ABCA8: variants seen among roughly 807,000 people sequenced by gnomAD.
ABCA8 encodes the protein ABC-type organic anion transporter ABCA8.
Under a neutral mutation model 192.3 loss-of-function variants are expected in ABCA8, and 177 were observed. The ratio of observed to expected loss-of-function variants is 0.92; its 90% confidence interval spans 0.81 to 1.04. ABCA8 has a LOEUF of 1.04. Ranked by LOEUF, ABCA8 falls within the 50% of genes least tolerant of loss-of-function variation. The pLI is 0.00. For missense variants in ABCA8, 1,915 were observed against 1,904.8 expected (o/e 1.01, Z -0.10); for synonymous variants, 642 against 690.2 (o/e 0.93, Z 1.09).
intron 17 of ABCA8, among the ~76,000 whole-genome samples, chr17:68,915,470 GAATA>G (rs1279127707): frequency 6.6e-6 from 1 of 152,098 alleles, no homozygotes; most frequent in African/African-American, 2.4e-5. Context: ...CAAAATATCT[GAATA>G]GATAGTTCCC....
Position 68,918,425 on chromosome 17 carries a change from A to C in ABCA8, c.1908+2T>G, listed in dbSNP as rs1323787631. 7.0e-6 allele frequency: 11 copies of C among 1,571,112 alleles called. No individual in the cohort carries two copies. The highest frequency in any genetic ancestry group is 9.5e-6 in the Non-Finnish European group (11 of 1,162,912). ...TTCACCTGCAAATTCAATGTGACTC[A>C]CCTGAGGATCTCCTAAAATGGCAAT... On this transcript the variant is annotated splice_donor_variant, in intron 15 of 39. Coordinates refer to ENST00000586539, the MANE Select transcript of ABCA8 (RefSeq NM_001288985.2). LOFTEE classifies it high-confidence loss of function.
intron 17 of ABCA8, among the ~76,000 whole-genome samples, chr17:68,913,288 T>A (rs1486475995): frequency 6.6e-6 from 1 of 151,704 alleles, no homozygotes; most frequent in East Asian, 1.9e-4. Flanking sequence ...AGTGCTTACA[T>A]CAAAAAGAGA....
Position 68,919,467 on chromosome 17 carries a change from G to T in ABCA8, c.1622C>A (p.Thr541Asn). 1 of 1,612,552 alleles carries T rather than the reference G, an allele frequency of 6.2e-7. No homozygotes were observed. The highest frequency in any genetic ancestry group is 1.1e-5 in the South Asian group (1 of 90,760). The change falls in exon 14 of 40, where the codon ACC becomes AAC. Residue 541 changes from threonine to asparagine, a missense_variant. Coordinates refer to ENST00000586539, the MANE Select transcript of ABCA8 (RefSeq NM_001288985.2). ...GLSVPTKGSV[T>N]IYNNKLSEMA... is the part of the protein sequence containing the mutation. ...TTCTGAAAGCTTATTGTTATAGATG[G>T]TGACTGAACCTGTAACAAAGGAAAA... is the stretch of plus-strand genomic sequence containing the variant.
At position 68,940,827 on chromosome 17, in the gene ABCA8, C is replaced by A. The variant is rs1265477196; in HGVS notation, c.232G>T (p.Val78Leu). The A allele has an allele frequency of 6.2e-7, 1 of 1,613,542 alleles. No homozygotes were observed. The highest frequency in any genetic ancestry group is 1.3e-5 in the African/African-American group (1 of 74,990). The change falls in exon 4 of 40, where the codon GTA becomes TTA. Residue 78 changes from valine (V) to leucine (L), a missense_variant. Physicochemically the swap from Val to Leu is conservative, Grantham distance 32. Transcript: ENST00000586539. ...GTCGTGTTGGTGACAGGTGTGTATA[C>A]AACAGAAAATCTGGATTCATTAAAT... ...DTFNESRFSV[V>L]YTPVTNTTQQ...
intron 21 of ABCA8, among the ~76,000 whole-genome samples, chr17:68,895,428 A>T (rs4968971): frequency 0.42 from 63,987 of 152,080 alleles, 14,066 homozygotes; most frequent in East Asian, 0.56. Flanking sequence ...TGAGGAGCTC[A>T]GTAGACCTTC....
At position 68,875,417 on chromosome 17, in the gene ABCA8, T is replaced by TA. The variant is rs2066174127; in HGVS notation, c.4491-18dup. Reference sequence around the variant, plus strand: ...CCGATACATCTGGAGGATGAGGTCATATGAGAAAGGAGAAAAAAAAAACCA... The same window carrying TA: ...CCGATACATCTGGAGGATGAGGTCATAATGAGAAAGGAGAAAAAAAAAACCA... On this transcript the variant is annotated splice_polypyrimidine_tract_variant and intron_variant, in intron 36 of 39. Coordinates refer to ENST00000586539, the MANE Select transcript of ABCA8 (RefSeq NM_001288985.2). 3.7e-6 allele frequency: 6 copies of TA among 1,612,356 alleles called. No individual in the cohort carries two copies. Among genetic ancestry groups the TA allele is most frequent in the Non-Finnish European group, 5.1e-6 (6 of 1,179,496 alleles).
chr17:68,891,610 A>C lies in ABCA8; in HGVS notation c.3037-14T>G, dbSNP rs745505731. ...GTCCTGTCCATTCTGAAAAACCCAA[A>C]GAATACAATGAACTGAATGAAGAAA... is the stretch of plus-strand genomic sequence containing the variant. On this transcript the variant is annotated splice_polypyrimidine_tract_variant and intron_variant, in intron 23 of 39. Coordinates refer to ENST00000586539, the MANE Select transcript of ABCA8 (RefSeq NM_001288985.2). The C allele has an allele frequency of 6.4e-7, 1 of 1,564,602 alleles. No homozygotes were observed. Among genetic ancestry groups the C allele is most frequent in the Non-Finnish European group, 8.8e-7 (1 of 1,141,652 alleles).
chr17:68,898,998 C>T (rs1305640893), intron 21 of ABCA8, among the ~76,000 whole-genome samples: 2 of 152,038 alleles, frequency 1.3e-5, no homozygotes, highest in Non-Finnish European at 2.9e-5. Flanking sequence ...GACTTTGTTA[C>T]ATTAATCTTA....
chr17:68,934,574 T>C (rs2068001655), intron 5 of ABCA8, among the ~76,000 whole-genome samples: 1 of 152,154 alleles, frequency 6.6e-6, no homozygotes, highest in Non-Finnish European at 1.5e-5. Context: ...TTAAATGCCT[T>C]GGGTCTAGCT....
At position 68,876,507 on chromosome 17, in the gene ABCA8, C is replaced by T; in HGVS notation, c.4323G>A (p.Leu1441=). Residue 1441 remains leucine, a synonymous_variant, in exon 35 of 40, where the codon CTG becomes CTA. Coordinates refer to ENST00000586539, the MANE Select transcript of ABCA8 (RefSeq NM_001288985.2). ...GGTCCATCCCGGTCGACGGCTCATC[C>T]AGAAGCACCACTGACGGGTTCCCCA... is the stretch of plus-strand genomic sequence containing the variant. ...SILGNPSVVL[L]DEPSTGMDPE... The T allele has an allele frequency of 6.2e-7, 1 of 1,614,060 alleles. No homozygotes were observed. The highest frequency in any genetic ancestry group is 8.5e-7 in the Non-Finnish European group (1 of 1,179,958).
rs1436552520 is a variant in ABCA8 at position 68,942,001 on chromosome 17, T to C, written c.34A>G (p.Thr12Ala). Residue 12 changes from threonine to alanine, a missense_variant, in exon 3 of 40, where the codon ACT becomes GCT. Coordinates refer to ENST00000586539, the MANE Select transcript of ABCA8 (RefSeq NM_001288985.2). ...AAGTTCTTGCATAATAAGGCCCAAGTTTGTTGACACACACTGATCTTTCTC... is the reference window on the plus strand; with the variant it reads ...AAGTTCTTGCATAATAAGGCCCAAGCTTGTTGACACACACTGATCTTTCTC... ...RKRKISVCQQ[T>A]WALLCKNFLK... is the part of the protein sequence containing the mutation. 3.1e-6 allele frequency: 5 copies of C among 1,613,228 alleles called. No homozygotes were observed. The African/African-American group carries it at 5.3e-5, about 17-fold the overall frequency.
At chr17:68,927,009 A>C (rs1402555075) in intron 10 of ABCA8, among the ~76,000 whole-genome samples, 1 of 152,146 alleles carries the variant, frequency 6.6e-6, no homozygotes, top group African/African-American at 2.4e-5. Flanking sequence ...TAATCCCAGC[A>C]CTTTGGGAGG....
intron 21 of ABCA8, among the ~76,000 whole-genome samples, chr17:68,901,737 G>T (rs916165875): frequency 2.0e-5 from 3 of 151,530 alleles, no homozygotes; most frequent in African/African-American, 7.3e-5. Flanking sequence ...GAATCTGGGA[G>T]GCGGAGGTTG....
chr17:68,924,653 C>G, intron 11 of ABCA8, 48 bp downstream of exon 11: 1 of 1,583,272 alleles, frequency 6.3e-7, no homozygotes, highest in Non-Finnish European at 8.6e-7. Flanking sequence ...GGTGCTATCT[C>G]TTAGCTTCCT....
chr17:68,916,392 T>C (rs2067364367), intron 17 of ABCA8, among the ~76,000 whole-genome samples: 3 of 152,166 alleles, frequency 2.0e-5, no homozygotes, highest in Non-Finnish European at 2.9e-5. Context: ...ACTGGAATGT[T>C]TGTAACACAA....
intron 17 of ABCA8, among the ~76,000 whole-genome samples, chr17:68,916,054 T>C (rs2067351808): frequency 6.6e-6 from 1 of 152,096 alleles, no homozygotes; most frequent in Non-Finnish European, 1.5e-5. Flanking sequence ...TTTTCATTCG[T>C]TTGTGAGAGT....
intron 26 of ABCA8, among the ~76,000 whole-genome samples, chr17:68,885,662 C>A (rs1282668906): frequency 6.6e-6 from 1 of 151,952 alleles, no homozygotes; most frequent in African/African-American, 2.4e-5. Flanking sequence ...ATCTTCCTCC[C>A]TCAGACTCCC....
chr17:68,942,691 G>A (rs938903201), intron 2 of ABCA8, among the ~76,000 whole-genome samples: 2 of 151,974 alleles, frequency 1.3e-5, no homozygotes, highest in African/African-American at 4.8e-5. Context: ...TTTGCCATTC[G>A]GTGGGTTTCA....
intron 19 of ABCA8, among the ~76,000 whole-genome samples, chr17:68,903,802 A>T (rs1011247027): frequency 6.6e-6 from 1 of 152,178 alleles, no homozygotes; most frequent in Non-Finnish European, 1.5e-5. Context: ...AATATCTTAC[A>T]TGTTCAATGA....
Sources: allele counts gnomAD v4.1 joint callset (sites outside exome capture counted in the v4.1 genomes callset), GRCh38; gene constraint gnomAD v4.1.1; transcripts MANE v1.5; gene names NCBI Gene and HGNC (gene_info 2026-07-23, HGNC 2026-07-21).